CARD19: variants seen among roughly 807,000 people sequenced by gnomAD.
CARD19 encodes the protein caspase recruitment domain family member 19, also known as caspase recruitment domain-containing protein 19.
Under a neutral mutation model 24.1 loss-of-function variants are expected in CARD19, and 25 were observed. The observed-to-expected ratio is 1.04, with a 90% confidence interval of 0.76 to 1.45. CARD19 has a LOEUF of 1.45. Ranked by LOEUF, CARD19 falls within the 40% of genes most tolerant of loss-of-function variation. The pLI is 0.00. For missense variants in CARD19, 241 were observed against 247.4 expected, an observed-to-expected ratio of 0.97 and a Z score of 0.17; for synonymous variants, 103 against 104.9, an observed-to-expected ratio of 0.98 and a Z score of 0.11.
intron 3 of CARD19, 64 bp from the exon 4 acceptor site, chr9:93,111,815 G>T: frequency 6.3e-7 from 1 of 1,587,328 alleles, no homozygotes. Flanking sequence ...GCTTCCTGCG[G>T]GGTGACTACC....
chr9:93,112,393 C>A, intron 5 of CARD19, 104 bp downstream of exon 5: 1 of 919,394 alleles, frequency 1.1e-6, no homozygotes, highest in Non-Finnish European at 1.7e-6. Flanking sequence ...CTCTTCGTAC[C>A]TCGGTGTCCA....
At chr9:93,107,131 C>T (rs1405975259) in intron 1 of CARD19, among the ~76,000 whole-genome samples, 1 of 152,180 alleles carries the variant, frequency 6.6e-6, no homozygotes, top group Non-Finnish European at 1.5e-5. Flanking sequence ...CACCCTGAGC[C>T]CTGTGTCCCT....
intron 2 of CARD19, among the ~76,000 whole-genome samples, chr9:93,108,283 C>T (rs1039846987): frequency 1.3e-5 from 2 of 152,280 alleles, no homozygotes; most frequent in Non-Finnish European, 2.9e-5. Context: ...TCTGCATCTT[C>T]CGAAGGTTCA....
In CARD19 at chr9:93,096,217, C is replaced by G; in HGVS notation, c.-129C>G. 1 of 1,037,004 alleles carries G rather than the reference C, an allele frequency of 9.6e-7. No individual in the cohort carries two copies. Among genetic ancestry groups the G allele is most frequent in the Non-Finnish European group, 1.2e-6 (1 of 815,212 alleles). 64.2% of individuals were successfully genotyped at this position (1,037,004 alleles called of 1,614,324 possible). A position where few individuals can be genotyped will look rare whatever the true frequency, so the allele number is the denominator to read the frequency against. On this transcript the variant is annotated 5_prime_UTR_variant, in exon 1 of 6. Transcript: ENST00000375464. This position sits in a 1 kb window ranked among gnomAD's most constrained non-coding sequence, Gnocchi z 5.4. ...GCCAAAGCCGGGGGGCTGGCCTAGC[C>G]AAAAGGGGCGGGCGAGCACGGCCCG... is the stretch of plus-strand genomic sequence containing the variant.
intron 4 of CARD19, 135 bp from the exon 5 acceptor site, chr9:93,112,083 C>T (rs568893510): frequency 7.5e-6 from 10 of 1,337,810 alleles, no homozygotes; most frequent in Admixed American, 4.0e-5. Context: ...AGACCCCCCC[C>T]CTAAGGTGCT....
intron 5 of CARD19, 114 bp downstream of exon 5, chr9:93,112,403 A>T: frequency 1.2e-6 from 1 of 840,662 alleles, no homozygotes; most frequent in Non-Finnish European, 1.9e-6. Flanking sequence ...CTCGGTGTCC[A>T]CACTTGTGCA....
intron 1 of CARD19, among the ~76,000 whole-genome samples, chr9:93,103,060 T>A (rs1827140264): frequency 6.6e-6 from 1 of 152,242 alleles, no homozygotes; most frequent in South Asian, 2.1e-4. Flanking sequence ...AATCATGTCA[T>A]CTGTGAACAG....
chr9:93,102,531 C>G lies in CARD19; in HGVS notation c.8-5143C>G, dbSNP rs1827122825. On this transcript the variant is annotated intron_variant, in intron 1 of 5. Coordinates refer to ENST00000375464, the MANE Select transcript of CARD19 (RefSeq NM_032310.5). The stretch of plus-strand genomic sequence containing the variant: ...AAAATAGGGTTTAATTCTAGACTCT[C>G]TTATTCTATGCCAGTGACCCATATG... Among the ~76,000 whole-genome samples, 2 of 152,014 alleles carry G rather than the reference C, an allele frequency of 1.3e-5. 1 individual carries two copies. The highest frequency in any genetic ancestry group is 3.8e-4 in the East Asian group (2 of 5,196).
rs754995959 is a variant in CARD19, at chr9:93,107,741, G to A, written c.75G>A (p.Glu25=). The change falls in exon 2 of 6, where the codon GAG becomes GAA. Residue 25 remains glutamate, a synonymous_variant. Transcript: ENST00000375464. ...PFLTGHGRLS[E]QQVDRIILQL... is the part of the protein sequence containing the mutation. ...TGACAGGCCATGGGCGCTTGAGTGA[G>A]CAGCAGGTGGACAGGATCATCCTCC... is the stretch of plus-strand genomic sequence containing the variant. 3 of 1,614,112 alleles carry A rather than the reference G, an allele frequency of 1.9e-6. No individual in the cohort carries two copies. The South Asian group carries it at 3.3e-5, about 18-fold the overall frequency.
At position 93,106,578 on chromosome 9, in the gene CARD19, A is replaced by AAC. The variant is rs1554753874; in HGVS notation, c.8-1095_8-1094insCA. Reference sequence around the variant, plus strand: ...GCAAGACTCTATCTCAAAAAAAAACAAAAAAAAAAAAACAAAGTTTAACCT... The same window carrying AAC: ...GCAAGACTCTATCTCAAAAAAAAACAACAAAAAAAAAAAACAAAGTTTAACCT... On this transcript the variant is annotated intron_variant, in intron 1 of 5. Coordinates refer to ENST00000375464, the MANE Select transcript of CARD19 (RefSeq NM_032310.5). Among the ~76,000 whole-genome samples, 320 of 75,592 alleles carry AAC rather than the reference A, an allele frequency of 4.2e-3. 1 individual carries two copies. Among genetic ancestry groups the AAC allele is most frequent in the African/African-American group, 0.037 (287 of 7,828 alleles). 49.6% of individuals were successfully genotyped at this position (75,592 alleles called of 152,430 possible).
chr9:93,103,853 A>T (rs1827163740), intron 1 of CARD19, among the ~76,000 whole-genome samples: 1 of 152,194 alleles, frequency 6.6e-6, no homozygotes, highest in African/African-American at 2.4e-5. Context: ...GCCCTTTTAT[A>T]ATTGGCATTA....
Position 93,111,154 on chromosome 9 carries a change from G to A in CARD19, c.304+433G>A, listed in dbSNP as rs898906519. ...CCCCATGACGGACCCTTTCATTGCA[G>A]CGATCTGCACACGTGTGGGTGTTTC... On this transcript the variant is annotated intron_variant, in intron 3 of 5. Transcript: ENST00000375464. 2.0e-5 allele frequency: 24 copies of A among 1,216,336 alleles called. No individual in the cohort carries two copies. The African/African-American group carries it at 3.5e-4, about 18-fold the overall frequency. 75.3% of individuals were successfully genotyped at this position (1,216,336 alleles called of 1,614,324 possible). A position where few individuals can be genotyped will look rare whatever the true frequency, so the allele number is the denominator to read the frequency against.
In CARD19 at chr9:93,096,358, C is replaced by G; in HGVS notation, c.7+6C>G. ...TGTGTCCGTCGCCATGACAGGTGGG[C>G]ACGGGGTCGGCTGGGCGGCAGGGAT... On this transcript the variant is annotated splice_donor_region_variant and intron_variant, in intron 1 of 5. Transcript: ENST00000375464. The surrounding 1 kb of genome is among the most constrained non-coding windows in gnomAD (Gnocchi z 5.4). 8.2e-7 allele frequency: 1 copy of G among 1,225,974 alleles called. No individual in the cohort carries two copies. The allele number at this position is 1,225,974 out of a possible 1,614,324, so 75.9% of individuals were successfully genotyped here. A position where few individuals can be genotyped will look rare whatever the true frequency, so the allele number is the denominator to read the frequency against.
At chr9:93,105,958 C>A (rs796535641) in intron 1 of CARD19, among the ~76,000 whole-genome samples, 7 of 152,278 alleles carry the variant, frequency 4.6e-5, no homozygotes, top group Non-Finnish European at 8.8e-5. Flanking sequence ...CCCTTCAATT[C>A]TGCCAGTGTT....
intron 1 of CARD19, among the ~76,000 whole-genome samples, chr9:93,100,007 T>C (rs1564205638): frequency 1.3e-5 from 2 of 152,228 alleles, no homozygotes; most frequent in East Asian, 1.9e-4. Flanking sequence ...CCCGCACCCC[T>C]ACACTGTGAG....
intron 1 of CARD19, among the ~76,000 whole-genome samples, chr9:93,105,185 CGTGTGTGTGTGCGT>C (rs1224890458): frequency 4.9e-5 from 4 of 82,218 alleles, no homozygotes; most frequent in Non-Finnish European, 9.8e-5. Flanking sequence ...TGTGCACGCG[CGTGTGTGTGTGCGT>C]GTGTGTGTGT....
rs1342673731 is a variant in CARD19, at chr9:93,113,144, C to T, written c.*37C>T. ...CCCAGGGCCTCACCTGCCACTCAAC[C>T]AAAGAGTCCTCGAGCCGGCCCGCCA... On this transcript the variant is annotated 3_prime_UTR_variant, in exon 6 of 6. Transcript: ENST00000375464. The T allele has an allele frequency of 7.2e-7, 1 of 1,390,970 alleles. No individual in the cohort carries two copies. The highest frequency in any genetic ancestry group is 9.8e-7 in the Non-Finnish European group (1 of 1,017,660). The allele number at this position is 1,390,970 out of a possible 1,614,324, so 86.2% of individuals were successfully genotyped here. A position where few individuals can be genotyped will look rare whatever the true frequency, so the allele number is the denominator to read the frequency against.
Position 93,113,050 on chromosome 9 carries a change from C to T in CARD19, c.495C>T (p.Asp165=), listed in dbSNP as rs748936921. 7.5e-6 allele frequency: 12 copies of T among 1,606,692 alleles called. No individual in the cohort carries two copies. Among genetic ancestry groups the T allele is most frequent in the Non-Finnish European group, 9.4e-6 (11 of 1,176,346 alleles). Residue 165 remains aspartate (D), a synonymous_variant, in exon 6 of 6, where the codon GAC becomes GAT. Transcript: ENST00000375464. ...RVLGFSPVII[D]RHVSRYLLAF... ...TCGGTTTCTCGCCTGTCATCATCGA[C>T]AGACATGTCAGCCGCTACCTGCTGG...
At chr9:93,105,655 G>A (rs1827227437) in intron 1 of CARD19, among the ~76,000 whole-genome samples, 1 of 152,156 alleles carries the variant, frequency 6.6e-6, no homozygotes, top group Non-Finnish European at 1.5e-5. Flanking sequence ...TTCATTCTAT[G>A]TGATCAGAAA....
Sources: allele counts gnomAD v4.1 joint callset (sites outside exome capture counted in the v4.1 genomes callset), GRCh38; gene constraint gnomAD v4.1.1; non-coding constraint Gnocchi (gnomAD v3.1); transcripts MANE v1.5; gene names NCBI Gene and HGNC (gene_info 2026-07-23, HGNC 2026-07-21).